Variants in SCFD2 observed in about 807,000 individuals in gnomAD.
The protein encoded by SCFD2 is sec1 family domain-containing protein 2.
Under a neutral mutation model 58.9 loss-of-function variants are expected in SCFD2, and 54 were observed. The observed-to-expected ratio is 0.92, with a 90% confidence interval of 0.74 to 1.15. SCFD2 has a LOEUF of 1.15. Ranked by LOEUF, SCFD2 falls within the 50% of genes most tolerant of loss-of-function variation. SCFD2 has a pLI of 0.00. For missense variants in SCFD2, 805 were observed against 836.6 expected (o/e 0.96, Z 0.47); for synonymous variants, 321 against 335.9 (o/e 0.96, Z 0.49).
At chr4:52,898,520 G>C (rs1719087671) in intron 7 of SCFD2, among the ~76,000 whole-genome samples, 1 of 152,220 alleles carries the variant, frequency 6.6e-6, no homozygotes, top group Non-Finnish European at 1.5e-5. Flanking sequence ...CTGAGGGACA[G>C]TTTGTTATAA....
At chr4:53,208,571 G>A (rs527769393) in intron 4 of SCFD2, among the ~76,000 whole-genome samples, 6 of 152,230 alleles carry the variant, frequency 3.9e-5, no homozygotes, top group Non-Finnish European at 8.8e-5. Context: ...AAGCTGGTGT[G>A]CATACCCAAT....
chr4:53,078,216 A>T (rs1441224645), intron 5 of SCFD2, among the ~76,000 whole-genome samples: 4 of 152,192 alleles, frequency 2.6e-5, no homozygotes, highest in Non-Finnish European at 5.9e-5. Flanking sequence ...CTCGCCTAGG[A>T]TCAGAAAGCA....
At chr4:53,338,738 G>A (rs1179380761) in intron 2 of SCFD2, among the ~76,000 whole-genome samples, 1 of 151,286 alleles carries the variant, frequency 6.6e-6, no homozygotes, top group African/African-American at 2.4e-5. Flanking sequence ...CCGCCACTAC[G>A]CCCGGCTAAT....
At chr4:53,022,802 A>G (rs978528482) in intron 5 of SCFD2, among the ~76,000 whole-genome samples, 4 of 152,238 alleles carry the variant, frequency 2.6e-5, no homozygotes, top group African/African-American at 7.2e-5. Context: ...TTAAGTAACA[A>G]TAACAAAATA....
intron 6 of SCFD2, among the ~76,000 whole-genome samples, chr4:52,920,411 T>C (rs896040296): frequency 5.3e-5 from 8 of 152,168 alleles, no homozygotes; most frequent in African/African-American, 1.7e-4. Context: ...TTGGTACCTG[T>C]AGTCATTGGC....
At chr4:53,091,785 T>C (rs959414650) in intron 5 of SCFD2, among the ~76,000 whole-genome samples, 1 of 152,118 alleles carries the variant, frequency 6.6e-6, no homozygotes, top group African/African-American at 2.4e-5. Context: ...TGGAGTCTGT[T>C]CCTTCTACAT....
chr4:53,048,751 C>G (rs1273426380), intron 5 of SCFD2, among the ~76,000 whole-genome samples: 1 of 152,076 alleles, frequency 6.6e-6, no homozygotes, highest in African/African-American at 2.4e-5. Flanking sequence ...GCTCCTGCCT[C>G]TCTTCTCATT....
chr4:53,247,022 A>C (rs560507004), intron 4 of SCFD2, among the ~76,000 whole-genome samples: 7 of 151,796 alleles, frequency 4.6e-5, no homozygotes, highest in African/African-American at 1.4e-4. Context: ...ACTCCAAACA[A>C]CACCATTAAA....
chr4:53,229,562 G>A (rs1465759513), intron 4 of SCFD2, among the ~76,000 whole-genome samples: 2 of 152,066 alleles, frequency 1.3e-5, no homozygotes, highest in Non-Finnish European at 2.9e-5. Flanking sequence ...AAAACTGGCT[G>A]GCCATATCTA....
intron 2 of SCFD2, 140 bp downstream of exon 2, chr4:53,352,458 T>C (rs1041341461): frequency 3.5e-6 from 2 of 571,742 alleles, no homozygotes; most frequent in Non-Finnish European, 5.9e-6. Context: ...GAAAAAATGC[T>C]TTTTGCTAAA....
At chr4:52,961,320 G>A (rs538846037) in intron 5 of SCFD2, among the ~76,000 whole-genome samples, 42 of 152,286 alleles carry the variant, frequency 2.8e-4, no homozygotes, top group African/African-American at 1.0e-3. Flanking sequence ...GCTACTGGCG[G>A]CCATTTTGCT....
intron 5 of SCFD2, among the ~76,000 whole-genome samples, chr4:52,936,968 T>C (rs897998920): frequency 5.9e-5 from 9 of 152,108 alleles, no homozygotes; most frequent in African/African-American, 1.7e-4. Context: ...GCACTGAAGG[T>C]ATAGTGTCTG....
chr4:53,086,949 G>A (rs1328783758), intron 5 of SCFD2, among the ~76,000 whole-genome samples: 1 of 152,154 alleles, frequency 6.6e-6, no homozygotes, highest in Non-Finnish European at 1.5e-5. Context: ...TAGTTGGAAA[G>A]AAGGAATAAG....
At chr4:53,169,908 T>A (rs1454161856) in intron 4 of SCFD2, among the ~76,000 whole-genome samples, 2 of 152,228 alleles carry the variant, frequency 1.3e-5, no homozygotes, top group African/African-American at 4.8e-5. Flanking sequence ...GATGTTTCGG[T>A]TCCTTAAATA....
chr4:53,320,014 A>C (rs1168377455), intron 2 of SCFD2, among the ~76,000 whole-genome samples: 1 of 152,202 alleles, frequency 6.6e-6, no homozygotes. Flanking sequence ...TACAGTTATT[A>C]CTAATGTTAT....
chr4:53,031,629 C>T (rs1476077795), intron 5 of SCFD2, among the ~76,000 whole-genome samples: 1 of 152,130 alleles, frequency 6.6e-6, no homozygotes, highest in African/African-American at 2.4e-5. Flanking sequence ...ACGAGAACTT[C>T]ATGAACCATA....
chr4:53,102,385 G>A (rs1724854914), intron 5 of SCFD2, among the ~76,000 whole-genome samples: 1 of 151,956 alleles, frequency 6.6e-6, no homozygotes, highest in African/African-American at 2.4e-5. Context: ...TCCAGATGCA[G>A]TTTTTAAAAA....
chr4:53,074,612 G>A (rs774649229), intron 5 of SCFD2, among the ~76,000 whole-genome samples: 15 of 152,152 alleles, frequency 9.9e-5, no homozygotes, highest in Admixed American at 3.9e-4. Context: ...ATCCATGAGC[G>A]ACAGAATGGA....
At chr4:53,270,516 T>C (rs1458117354) in intron 4 of SCFD2, among the ~76,000 whole-genome samples, 3 of 152,302 alleles carry the variant, frequency 2.0e-5, no homozygotes, top group East Asian at 1.9e-4. Flanking sequence ...CAATGCACTA[T>C]GAAAGACACT....
Sources: gnomAD v4.1 joint callset for allele counts (sites outside exome capture counted in the v4.1 genomes callset) on GRCh38, gnomAD v4.1.1 for gene constraint, MANE v1.5 for transcripts, NCBI Gene and HGNC (gene_info 2026-07-23, HGNC 2026-07-21) for gene names.